RELN: variants seen among roughly 807,000 people sequenced by gnomAD.
RELN encodes the protein reelin.
Under a neutral mutation model 427.6 loss-of-function variants are expected in RELN, and 108 were observed. The ratio of observed to expected loss-of-function variants is 0.25; its 90% confidence interval spans 0.22 to 0.30. RELN has a LOEUF of 0.30. RELN is among the 10% of genes least tolerant of loss of function. The pLI is 1.00. For synonymous variants in RELN, 1,524 were observed against 1,513.4 expected (o/e 1.01, Z -0.16); for missense variants, 3,715 against 4,302.8 (o/e 0.86, Z 3.82).
chr7:103,785,210 C>T (rs1258921259), intron 3 of RELN, among the ~76,000 whole-genome samples: 1 of 152,118 alleles, frequency 6.6e-6, no homozygotes, highest in East Asian at 1.9e-4. Flanking sequence ...ATGCTTTCCA[C>T]ACCACCTTTT....
chr7:103,965,010 T>A (rs1490514586), intron 1 of RELN, among the ~76,000 whole-genome samples: 1 of 152,174 alleles, frequency 6.6e-6, no homozygotes, highest in Non-Finnish European at 1.5e-5. Context: ...GAGGAAGAAA[T>A]AATTTATATG....
intron 1 of RELN, among the ~76,000 whole-genome samples, chr7:103,985,931 TTCC>T (rs1252201349): frequency 2.0e-5 from 3 of 152,206 alleles, no homozygotes; most frequent in African/African-American, 7.2e-5. Flanking sequence ...AGGTTCTTGT[TTCC>T]TATTTCCCCA....
chr7:103,557,652 C>T (rs1265617103), intron 37 of RELN, among the ~76,000 whole-genome samples: 2 of 151,990 alleles, frequency 1.3e-5, no homozygotes, highest in Non-Finnish European at 2.9e-5. Flanking sequence ...ATAAGTTAAA[C>T]ATTTTAAAAT....
At chr7:103,961,463 C>T (rs1045448193) in intron 1 of RELN, among the ~76,000 whole-genome samples, 9 of 152,084 alleles carry the variant, frequency 5.9e-5, no homozygotes, top group Non-Finnish European at 1.2e-4. Context: ...CAAGACAATA[C>T]TAAAAAAGAA....
At chr7:103,733,040 T>C (rs1468623453) in intron 6 of RELN, among the ~76,000 whole-genome samples, 5 of 152,112 alleles carry the variant, frequency 3.3e-5, no homozygotes, top group Admixed American at 1.3e-4. Flanking sequence ...AGGGTTTTTA[T>C]GGTTTTAGGT....
chr7:103,485,770 A>G (rs566999041), intron 61 of RELN, among the ~76,000 whole-genome samples: 1 of 152,002 alleles, frequency 6.6e-6, no homozygotes, highest in Non-Finnish European at 1.5e-5. Context: ...CCATCCATCC[A>G]TCCTCCATTT....
At chr7:103,485,736 G>C (rs1828414375) in intron 61 of RELN, among the ~76,000 whole-genome samples, 1 of 150,628 alleles carries the variant, frequency 6.6e-6, no homozygotes, top group Non-Finnish European at 1.5e-5. Flanking sequence ...AAATTTTAAA[G>C]GTCTTATCCA....
At chr7:103,703,303 A>G (rs1834132495) in intron 8 of RELN, among the ~76,000 whole-genome samples, 1 of 152,188 alleles carries the variant, frequency 6.6e-6, no homozygotes, top group South Asian at 2.1e-4. Context: ...ATGTATAACT[A>G]GGTAAGCTTT....
chr7:103,939,003 A>G (rs1796050390), intron 1 of RELN, among the ~76,000 whole-genome samples: 1 of 151,940 alleles, frequency 6.6e-6, no homozygotes, highest in Non-Finnish European at 1.5e-5. Context: ...ATGTAGTCCA[A>G]TGGCGTAGTC....
At chr7:103,983,532 T>C (rs1797034919) in intron 1 of RELN, among the ~76,000 whole-genome samples, 1 of 152,230 alleles carries the variant, frequency 6.6e-6, no homozygotes, top group South Asian at 2.1e-4. Context: ...GAAAATTCAA[T>C]TCGAGTATCT....
At chr7:103,641,738 A>T (rs1186440920) in intron 16 of RELN, among the ~76,000 whole-genome samples, 1 of 152,188 alleles carries the variant, frequency 6.6e-6, no homozygotes, top group Non-Finnish European at 1.5e-5. Flanking sequence ...ACTGAGGTCA[A>T]GTATTCCTTG....
rs1829005908 is a variant in RELN at position 103,500,929 on chromosome 7, A to G, written c.8490-7T>C. 1.2e-6 allele frequency: 2 copies of G among 1,613,924 alleles called. No homozygotes were observed. Among genetic ancestry groups the G allele is most frequent in the African/African-American group, 1.3e-5 (1 of 75,046 alleles). On this transcript the variant is annotated splice_region_variant and splice_polypyrimidine_tract_variant and intron_variant, in intron 52 of 64. Coordinates refer to ENST00000428762, the MANE Select transcript of RELN (RefSeq NM_005045.4). ...GAACCTAAACCTTACCGGACTATTG[A>G]CAATGCAAAAGCAAAGGAGTGAAAA...
intron 1 of RELN, among the ~76,000 whole-genome samples, chr7:103,984,157 A>AGT (rs1326099625): frequency 1.5e-3 from 221 of 149,356 alleles, no homozygotes; most frequent in African/African-American, 5.3e-3. Context: ...AGGAGGTAAA[A>AGT]AAAAAAAAAA....
Position 103,491,992 on chromosome 7 carries a change from T to G in RELN, c.9404A>C (p.Asp3135Ala). The change falls in exon 58 of 65, where the codon GAC (aspartate) becomes GCC (alanine). Residue 3135 changes from aspartate (D) to alanine (A), a missense_variant. Coordinates refer to ENST00000428762, the MANE Select transcript of RELN (RefSeq NM_005045.4). ...GTATTCCAGCATTACGGAATGAAGG[T>G]CACCACAAGAAGTGGCTTCACAACC... ...VVGCEATSCG[D>A]LHSVMLEYTK... is the part of the protein sequence containing the mutation. 1 of 1,613,478 alleles carries G rather than the reference T, an allele frequency of 6.2e-7. No individual in the cohort carries two copies. Among genetic ancestry groups the G allele is most frequent in the Non-Finnish European group, 8.5e-7 (1 of 1,179,826 alleles).
chr7:103,677,881 A>C (rs1444624679), intron 11 of RELN, among the ~76,000 whole-genome samples: 1 of 151,820 alleles, frequency 6.6e-6, no homozygotes, highest in African/African-American at 2.4e-5. Context: ...CTGGAGCAAT[A>C]ATGAGACGCC....
intron 1 of RELN, among the ~76,000 whole-genome samples, chr7:103,929,655 T>G (rs1174426916): frequency 1.3e-5 from 2 of 152,186 alleles, no homozygotes; most frequent in Non-Finnish European, 2.9e-5. Context: ...CTAACACCCA[T>G]ATTTTCTCTA....
At chr7:103,753,868 TTAA>T (rs1791066744) in intron 4 of RELN, among the ~76,000 whole-genome samples, 1 of 152,244 alleles carries the variant, frequency 6.6e-6, no homozygotes, top group Non-Finnish European at 1.5e-5. Flanking sequence ...GAATTCCATG[TTAA>T]TAATACTATG....
Position 103,522,049 on chromosome 7 carries a change from C to T in RELN, c.7641G>A (p.Ala2547=), listed in dbSNP as rs749089939. The T allele has an allele frequency of 2.9e-5, 46 of 1,613,976 alleles. No individual in the cohort carries two copies. The highest frequency in any genetic ancestry group is 2.4e-4 in the South Asian group (22 of 91,086). Residue 2547 remains alanine (A), a synonymous_variant, in exon 48 of 65, where the codon GCG becomes GCA. Transcript: ENST00000428762. ...GKLSTVCGAV[A]SGMALHFSGG... ...CACTGAAATGGAGAGCCATTCCCGACGCCACGGCTCCACACACTGTACTCA... is the reference window on the plus strand; with the variant it reads ...CACTGAAATGGAGAGCCATTCCCGATGCCACGGCTCCACACACTGTACTCA...
chr7:103,770,349 G>A (rs1791533926), intron 4 of RELN, among the ~76,000 whole-genome samples: 1 of 152,216 alleles, frequency 6.6e-6, no homozygotes, highest in South Asian at 2.1e-4. Flanking sequence ...CTCCCAAAGT[G>A]TTGGGATTAC....
Sources: gnomAD v4.1 joint callset for allele counts (sites outside exome capture counted in the v4.1 genomes callset) on GRCh38, gnomAD v4.1.1 for gene constraint, MANE v1.5 for transcripts, NCBI Gene and HGNC (gene_info 2026-07-23, HGNC 2026-07-21) for gene names.